TBCA: variants seen among roughly 807,000 people sequenced by gnomAD.
TBCA encodes tubulin folding cofactor A, also known as tubulin-specific chaperone A.
TBCA carries 6 observed loss-of-function variants against 15.8 expected under a neutral mutation model. That is an observed-to-expected ratio of 0.38 (90% confidence interval 0.21 to 0.75). The LOEUF (loss-of-function observed/expected upper bound fraction) is 0.75, where lower values mean the gene tolerates loss of function less well. TBCA is among the 30% of genes least tolerant of loss of function. TBCA has a pLI of 0.46. For missense variants in TBCA, 90 were observed against 131.2 expected (o/e 0.69, Z 1.53); for synonymous variants, 32 against 42.3 (o/e 0.76, Z 0.94).
At chr5:77,776,131 G>GCGCTC in intron 1 of TBCA, 74 bp downstream of exon 1, 1 of 1,537,238 alleles carries the variant, frequency 6.5e-7, no homozygotes, top group African/African-American at 1.4e-5. Context: ...CCTCGGGCCT[G>GCGCTC]CGCTCCGCTC....
At chr5:77,708,820 C>T (rs900072742) in intron 1 of TBCA, among the ~76,000 whole-genome samples, 4 of 152,120 alleles carry the variant, frequency 2.6e-5, no homozygotes, top group Non-Finnish European at 1.5e-5. Flanking sequence ...CCACCAGCCT[C>T]GGCCTCCCAA....
rs1387596094 is a variant in TBCA, at chr5:77,698,345, AAAC to A, written c.160-4996_160-4994del. ...TTATAATATTGTTCATAATGCTCAT[AAAC>A]AACTTAGAAGAAATTGACCAATTCC... On this transcript the variant is annotated intron_variant, in intron 2 of 3. Transcript: ENST00000380377. 2.6e-5 allele frequency among the ~76,000 whole-genome samples: 4 copies of A among 152,220 alleles called. 1 individual carries two copies. Among genetic ancestry groups the A allele is most frequent in the Admixed American group, 1.3e-4 (2 of 15,282 alleles).
At chr5:77,743,687 G>A (rs1265816559) in intron 1 of TBCA, among the ~76,000 whole-genome samples, 1 of 152,138 alleles carries the variant, frequency 6.6e-6, no homozygotes, top group African/African-American at 2.4e-5. Context: ...TGTAGCAATG[G>A]GTTTCACAAT....
intron 1 of TBCA, among the ~76,000 whole-genome samples, chr5:77,736,735 G>T (rs1021236420): frequency 2.6e-5 from 4 of 151,998 alleles, no homozygotes; most frequent in Admixed American, 1.3e-4. Flanking sequence ...TCTCTTCCTG[G>T]AAGTCTTCCT....
intron 3 of TBCA, chr5:77,692,178 A>G: frequency 3.0e-6 from 3 of 984,852 alleles, no homozygotes; most frequent in Non-Finnish European, 3.6e-6. Flanking sequence ...AAATGAAGCT[A>G]TGGTTAGCAA....
At chr5:77,765,461 A>G (rs1421302155) in intron 1 of TBCA, among the ~76,000 whole-genome samples, 3 of 152,236 alleles carry the variant, frequency 2.0e-5, no homozygotes, top group Non-Finnish European at 2.9e-5. Context: ...GGGCACTAAC[A>G]TTGGACATAG....
intron 1 of TBCA, among the ~76,000 whole-genome samples, chr5:77,770,422 CAG>C (rs1476445966): frequency 6.6e-6 from 1 of 152,122 alleles, no homozygotes; most frequent in African/African-American, 2.4e-5. Flanking sequence ...ACACATAAAA[CAG>C]AGCTATGTTA....
At chr5:77,717,855 G>A (rs574352501) in intron 1 of TBCA, among the ~76,000 whole-genome samples, 2 of 142,490 alleles carry the variant, frequency 1.4e-5, no homozygotes, top group South Asian at 4.5e-4. Context: ...AAAGGCCGGG[G>A]GCAGTGGCTT....
At chr5:77,715,373 C>A in intron 1 of TBCA, 3 of 684,122 alleles carry the variant, frequency 4.4e-6, no homozygotes, top group Non-Finnish European at 5.3e-6. Context: ...GAAAAACAAT[C>A]AGTCTAAATG....
rs144645606 is a variant in TBCA, at chr5:77,693,274, G to A, written c.238C>T (p.Arg80Trp). 318 of 1,613,586 alleles carry A rather than the reference G, an allele frequency of 2.0e-4. No individual in the cohort carries two copies. The highest frequency in any genetic ancestry group is 2.6e-4 in the Non-Finnish European group (301 of 1,179,886). The change falls in exon 3 of 4, where the codon CGG (arginine) becomes TGG (tryptophan). Residue 80 changes from arginine (R) to tryptophan (W), a missense_variant. Physicochemically the swap from Arg to Trp is moderately radical, Grantham distance 101. Coordinates refer to ENST00000380377, the MANE Select transcript of TBCA (RefSeq NM_004607.3). ...CAGAAGTCTTTGCTTACTAGTATCC[G>A]TTGAAGATCCAAATATGCGGCTTCC... ...RLEAAYLDLQRILENEKDLEE... is the reference protein window; with the variant it reads ...RLEAAYLDLQWILENEKDLEE...
chr5:77,727,239 G>GAAAAAAAAAAAAAAAA (rs35477479), intron 1 of TBCA, among the ~76,000 whole-genome samples: 2 of 81,042 alleles, frequency 2.5e-5, no homozygotes, highest in African/African-American at 4.8e-5. Context: ...TCTGTCTCAG[G>GAAAAAAAAAAAAAAAA]AAAAAAAAAA....
At chr5:77,704,121 A>C (rs886216999) in intron 2 of TBCA, among the ~76,000 whole-genome samples, 2 of 152,140 alleles carry the variant, frequency 1.3e-5, no homozygotes, top group Non-Finnish European at 2.9e-5. Flanking sequence ...TAAGTTACCC[A>C]GTCTCAGGTA....
intron 1 of TBCA, among the ~76,000 whole-genome samples, chr5:77,724,151 T>G (rs1238166132): frequency 6.6e-6 from 1 of 152,070 alleles, no homozygotes; most frequent in Non-Finnish European, 1.5e-5. Flanking sequence ...TATAGATACG[T>G]GTAAAGGGAC....
chr5:77,724,814 G>A (rs936910720), intron 1 of TBCA, among the ~76,000 whole-genome samples: 19 of 152,098 alleles, frequency 1.2e-4, no homozygotes, highest in Non-Finnish European at 2.5e-4. Context: ...CAGGAAACGT[G>A]TACACTAGAG....
intron 1 of TBCA, among the ~76,000 whole-genome samples, chr5:77,741,708 C>G (rs1408921139): frequency 6.6e-6 from 1 of 151,992 alleles, no homozygotes; most frequent in Non-Finnish European, 1.5e-5. Flanking sequence ...ATTTTATATT[C>G]AGAAGTTGAT....
intron 1 of TBCA, among the ~76,000 whole-genome samples, chr5:77,759,209 G>A (rs945531722): frequency 6.6e-6 from 1 of 152,194 alleles, no homozygotes; most frequent in African/African-American, 2.4e-5. Flanking sequence ...ACGCTTCCAG[G>A]TCATAGGTAG....
chr5:77,697,825 G>A (rs564604829), intron 2 of TBCA, among the ~76,000 whole-genome samples: 2 of 152,186 alleles, frequency 1.3e-5, no homozygotes, highest in East Asian at 3.9e-4. Context: ...AGACAAAACT[G>A]TATGAAACAA....
intron 1 of TBCA, among the ~76,000 whole-genome samples, chr5:77,772,850 G>C (rs182234755): frequency 5.1e-4 from 77 of 152,220 alleles, no homozygotes; most frequent in African/African-American, 1.7e-3. Flanking sequence ...GAAAACTTCT[G>C]AAAAGTCAAA....
chr5:77,759,754 T>C (rs1747561782), intron 1 of TBCA, among the ~76,000 whole-genome samples: 1 of 152,198 alleles, frequency 6.6e-6, no homozygotes, highest in African/African-American at 2.4e-5. Context: ...CACAAAAGCC[T>C]ATTTAATGTA....
Sources: gnomAD v4.1 joint callset for allele counts (sites outside exome capture counted in the v4.1 genomes callset) on GRCh38, gnomAD v4.1.1 for gene constraint, MANE v1.5 for transcripts, NCBI Gene and HGNC (gene_info 2026-07-23, HGNC 2026-07-21) for gene names.